The following PTK2 variants were observed in gnomAD, a reference collection of about 807,000 sequenced individuals.
PTK2 encodes protein tyrosine kinase 2, also known as focal adhesion kinase 1.
Under a neutral mutation model 150.1 loss-of-function variants are expected in PTK2, and 45 were observed. The observed-to-expected ratio is 0.30, with a 90% CI of 0.24 to 0.38. PTK2 has a LOEUF of 0.38. Among genes scored for constraint, PTK2 ranks in the 10% least tolerant of loss-of-function variants. The pLI is 1.00. For missense variants in PTK2, 919 were observed against 1,307.3 expected (o/e 0.70, Z 4.58); for synonymous variants, 432 against 449.2 (o/e 0.96, Z 0.48).
intron 14 of PTK2, among the ~76,000 whole-genome samples, chr8:140,776,956 G>A (rs1452819685): frequency 6.6e-6 from 1 of 152,100 alleles, no homozygotes; most frequent in Non-Finnish European, 1.5e-5. Flanking sequence ...GCAAAAGCAG[G>A]GCAATTTCAA....
intron 12 of PTK2, among the ~76,000 whole-genome samples, chr8:140,795,887 T>C (rs2100091275): frequency 6.6e-6 from 1 of 152,242 alleles, no homozygotes; most frequent in Admixed American, 6.5e-5. Context: ...TTCATTCAGG[T>C]AGAAACATTC....
chr8:140,832,763 T>A, intron 7 of PTK2: 12 of 438,816 alleles, frequency 2.7e-5, no homozygotes, highest in South Asian at 5.1e-5. Context: ...AACAGAAAGG[T>A]GGGTGGGCAT....
At chr8:140,828,345 C>T (rs566549927) in intron 8 of PTK2, among the ~76,000 whole-genome samples, 2 of 152,092 alleles carry the variant, frequency 1.3e-5, no homozygotes, top group African/African-American at 2.4e-5. Context: ...AGTCCTCTAC[C>T]GAACCTCTTT....
intron 1 of PTK2, among the ~76,000 whole-genome samples, chr8:140,954,020 T>G (rs1431692050): frequency 6.6e-5 from 10 of 151,144 alleles, no homozygotes; most frequent in African/African-American, 2.4e-4. Flanking sequence ...CAGGCTGGAG[T>G]GCAGTGGCAC....
At chr8:140,879,133 T>TAATATATATATA (rs567250604) in intron 4 of PTK2, 5 of 162,434 alleles carry the variant, frequency 3.1e-5, no homozygotes, top group African/African-American at 1.2e-4. Flanking sequence ...GATGAAAACA[T>TAATATATATATA]TATATATATA....
chr8:140,820,160 C>T (rs769205887), intron 8 of PTK2, among the ~76,000 whole-genome samples: 11 of 134,052 alleles, frequency 8.2e-5, no homozygotes, highest in Middle Eastern at 9.0e-3. Flanking sequence ...AGTGCGGTGG[C>T]GCAACCTCGG....
chr8:140,902,940 T>G (rs537231353), intron 2 of PTK2, among the ~76,000 whole-genome samples: 1,625 of 136,596 alleles, frequency 0.012, 42 homozygotes, highest in African/African-American at 0.039. Flanking sequence ...TTTTTTTTTT[T>G]TTTTTTTTTT....
intron 1 of PTK2, among the ~76,000 whole-genome samples, chr8:140,927,940 G>GAAA (rs779534564): frequency 8.3e-5 from 3 of 36,262 alleles, no homozygotes; most frequent in African/African-American, 1.1e-4. Flanking sequence ...ATCTCAAAAA[G>GAAA]AAAAAAAAAA....
intron 1 of PTK2, among the ~76,000 whole-genome samples, chr8:140,950,619 A>G (rs971146004): frequency 1.3e-5 from 2 of 152,250 alleles, no homozygotes; most frequent in Admixed American, 1.3e-4. Flanking sequence ...GTAGGCGAAC[A>G]AGCCCAGTGG....
chr8:140,662,104 T>C (rs2081168071), intron 31 of PTK2, among the ~76,000 whole-genome samples: 1 of 152,092 alleles, frequency 6.6e-6, no homozygotes, highest in Admixed American at 6.5e-5. Flanking sequence ...TGAGACCAGC[T>C]TGGGCAACAC....
rs764118182 is a variant in PTK2, at chr8:140,742,140, C to T, written c.1735+1090G>A. The stretch of plus-strand genomic sequence containing the variant: ...GACAATGTGAGACCTTGTCTCAAAA[C>T]AAGCAAACAAACAAAAATCCCACCA... On this transcript the variant is annotated intron_variant, in intron 20 of 31. Transcript: ENST00000522684. 1.6e-4 allele frequency among the ~76,000 whole-genome samples: 24 copies of T among 152,152 alleles called. 1 individual carries two copies. Among genetic ancestry groups the T allele is most frequent in the Non-Finnish European group, 3.2e-4 (22 of 68,022 alleles).
rs554025848 is a variant in PTK2 at position 140,746,700 on chromosome 8, T to G, written c.1518+60A>C. 3 of 1,303,288 alleles carry G rather than the reference T, an allele frequency of 2.3e-6. No individual in the cohort carries two copies. The East Asian group carries it at 7.0e-5, about 30-fold the overall frequency. The allele number at this position is 1,303,288 out of a possible 1,614,324, so 80.7% of individuals were successfully genotyped here. On this transcript the variant is annotated intron_variant, in intron 18 of 31. Coordinates refer to ENST00000522684, the Ensembl canonical transcript of PTK2. ...AGATATAAACTGTTTATATTTTCCT[T>G]TCTTAAGCAAAAGATATCAAACGCT...
intron 22 of PTK2, among the ~76,000 whole-genome samples, chr8:140,732,298 A>G (rs1335523201): frequency 1.3e-5 from 2 of 152,254 alleles, no homozygotes; most frequent in African/African-American, 2.4e-5. Flanking sequence ...CTAAAACAGA[A>G]CAATGCAGAA....
chr8:140,801,851 A>C (rs2100095242), intron 11 of PTK2, among the ~76,000 whole-genome samples: 1 of 152,140 alleles, frequency 6.6e-6, no homozygotes. Flanking sequence ...TGGTTCCATA[A>C]GATTTATATA....
chr8:140,798,898 GA>G (rs2100093291), intron 12 of PTK2, among the ~76,000 whole-genome samples: 1 of 152,150 alleles, frequency 6.6e-6, no homozygotes, highest in Non-Finnish European at 1.5e-5. Context: ...AGCACAAAGT[GA>G]AAAATCAAGA....
chr8:140,872,748 A>G (rs1019512879), intron 4 of PTK2, among the ~76,000 whole-genome samples: 6 of 152,232 alleles, frequency 3.9e-5, no homozygotes, highest in Non-Finnish European at 7.3e-5. Flanking sequence ...CATGTTCCAT[A>G]TGGTCTTAAC....
intron 23 of PTK2, 137 bp downstream of exon 26, chr8:140,717,461 C>T: frequency 1.5e-6 from 1 of 658,102 alleles, no homozygotes; most frequent in South Asian, 1.8e-5. Flanking sequence ...AAAAAGGAAA[C>T]AATTAGTTGG....
exon 29 of PTK2, chr8:140,674,399 C>T (rs369938140): frequency 6.9e-6 from 11 of 1,591,604 alleles, no homozygotes; most frequent in Non-Finnish European, 7.7e-6. Flanking sequence ...GGTGGAGCTG[C>T]AGGATCTGGT....
At chr8:140,847,552 T>C (rs1244001041) in intron 5 of PTK2, among the ~76,000 whole-genome samples, 1 of 152,226 alleles carries the variant, frequency 6.6e-6, no homozygotes, top group Non-Finnish European at 1.5e-5. Flanking sequence ...TCACATGAAA[T>C]GTTATCCACC....
Sources: gnomAD v4.1 joint callset for allele counts (sites outside exome capture counted in the v4.1 genomes callset) on GRCh38, gnomAD v4.1.1 for gene constraint, MANE v1.5 for transcripts, NCBI Gene and HGNC (gene_info 2026-07-23, HGNC 2026-07-21) for gene names.